Variants in ABCC6 observed in about 807,000 individuals in gnomAD.
ABCC6 encodes ATP-binding cassette sub-family C member 6.
In ABCC6, 126 loss-of-function variants were observed where a neutral mutation model predicts 169.5. That is an observed-to-expected ratio of 0.74 (90% CI 0.64 to 0.86). The LOEUF (loss-of-function observed/expected upper bound fraction) is 0.86, where lower values mean the gene tolerates loss of function less well. Ranked by LOEUF, ABCC6 falls within the 40% of genes least tolerant of loss-of-function variation. The pLI is 0.00. For synonymous variants in ABCC6, 752 were observed against 814.7 expected (o/e 0.92, Z 1.31); for missense variants, 1,733 against 1,927.2 (o/e 0.90, Z 1.89).
At chr16:16,211,624 G>A (rs555469036) in intron 6 of ABCC6, among the ~76,000 whole-genome samples, 1 of 152,248 alleles carries the variant, frequency 6.6e-6, no homozygotes, top group South Asian at 2.1e-4. Context: ...CATATGTCAG[G>A]TGCTACTGAG....
chr16:16,207,225 C>T (rs911774327), intron 7 of ABCC6, among the ~76,000 whole-genome samples: 1 of 152,222 alleles, frequency 6.6e-6, no homozygotes, highest in African/African-American at 2.4e-5. Context: ...ACAGCCCCTA[C>T]CCACTTCTGT....
intron 22 of ABCC6, among the ~76,000 whole-genome samples, chr16:16,168,889 T>C (rs1411650998): frequency 2.0e-5 from 3 of 152,212 alleles, no homozygotes; most frequent in Non-Finnish European, 4.4e-5. Context: ...GAGACCAGCT[T>C]GGCCAACATG....
At chr16:16,186,041 G>A (rs1445689428) in intron 14 of ABCC6, among the ~76,000 whole-genome samples, 2 of 152,162 alleles carry the variant, frequency 1.3e-5, no homozygotes, top group African/African-American at 4.8e-5. Flanking sequence ...GGATCACCCA[G>A]CTAGTCAGTG....
At chr16:16,161,605 T>C (rs2046721197) in intron 24 of ABCC6, 41 bp from the exon 25 acceptor site, 4 of 1,613,298 alleles carry the variant, frequency 2.5e-6, no homozygotes, top group Non-Finnish European at 3.4e-6. Context: ...GTTACTCTCA[T>C]CTGCAGGGAG....
chr16:16,181,037 C>T (rs1204417239), intron 17 of ABCC6, among the ~76,000 whole-genome samples: 3 of 152,102 alleles, frequency 2.0e-5, no homozygotes. Context: ...GGTTCAGGGG[C>T]TCACGCCTGT....
At chr16:16,205,806 C>A (rs1457090477) in intron 7 of ABCC6, among the ~76,000 whole-genome samples, 1 of 152,154 alleles carries the variant, frequency 6.6e-6, no homozygotes, top group Non-Finnish European at 1.5e-5. Context: ...AGTCCAGCTC[C>A]TGCACACAGT....
At chr16:16,179,537 C>T (rs904165648) in intron 17 of ABCC6, among the ~76,000 whole-genome samples, 6 of 152,072 alleles carry the variant, frequency 3.9e-5, no homozygotes, top group South Asian at 2.1e-4. Flanking sequence ...GGTTTCAGGA[C>T]GATTCAAGCA....
chr16:16,166,570 C>T (rs9635506), intron 22 of ABCC6, among the ~76,000 whole-genome samples: 108,163 of 151,158 alleles, frequency 0.72, 41,664 homozygotes, highest in South Asian at 0.9. Context: ...AAGCCTGGGG[C>T]GTATTCTCCA....
chr16:16,150,108 C>T lies in ABCC6; in HGVS notation c.*25G>A. On this transcript the variant is annotated 3_prime_UTR_variant, in exon 31 of 31. Transcript: ENST00000205557. Reference sequence around the variant, plus strand: ...CTGCAGGCTGTGCGGGCTGGTCCAACTGGGGTACGGTTGAGGGTCCTGGCT... The same window carrying T: ...CTGCAGGCTGTGCGGGCTGGTCCAATTGGGGTACGGTTGAGGGTCCTGGCT... The T allele has an allele frequency of 6.2e-7, 1 of 1,611,632 alleles. No homozygotes were observed. Among genetic ancestry groups the T allele is most frequent in the Non-Finnish European group, 8.5e-7 (1 of 1,179,836 alleles).
At chr16:16,205,440 A>T (rs1476366003) in intron 7 of ABCC6, among the ~76,000 whole-genome samples, 1 of 152,006 alleles carries the variant, frequency 6.6e-6, no homozygotes, top group South Asian at 2.1e-4. Context: ...AAAAAGAAGC[A>T]TAAGAAAAAC....
chr16:16,168,962 T>A (rs2046969447), intron 22 of ABCC6, among the ~76,000 whole-genome samples: 1 of 152,122 alleles, frequency 6.6e-6, no homozygotes, highest in Non-Finnish European at 1.5e-5. Context: ...TAATCCCAGC[T>A]TCCAGCTACT....
chr16:16,203,624 G>C lies in ABCC6; in HGVS notation c.795-11C>G. On this transcript the variant is annotated splice_polypyrimidine_tract_variant and intron_variant, in intron 7 of 30. Coordinates refer to ENST00000205557, the MANE Select transcript of ABCC6 (RefSeq NM_001171.6). ...ATTGCCTTGTTGTGCCTGAGGGGAA[G>C]GGAGAGATTAGCTCTGGGTCCCATT... 6.2e-7 allele frequency: 1 copy of C among 1,613,888 alleles called. No homozygotes were observed. Among genetic ancestry groups the C allele is most frequent in the Non-Finnish European group, 8.5e-7 (1 of 1,179,760 alleles).
Position 16,173,320 on chromosome 16 carries a change from T to C in ABCC6, c.2751A>G (p.Gly917=), listed in dbSNP as rs1213327400. The part of the protein sequence containing the change: ...EVPLDDPDRA[G]WPAGKDSIQY... Reference sequence around the variant, plus strand: ...GGATGCTGTCCTTTCCTGCTGGCCATCCTGCCCTGTCAGGGTCATCCAGAG... The same window carrying C: ...GGATGCTGTCCTTTCCTGCTGGCCACCCTGCCCTGTCAGGGTCATCCAGAG... The change falls in exon 21 of 31, where the codon GGA becomes GGG. Residue 917 remains glycine, a synonymous_variant. Coordinates refer to ENST00000205557, the MANE Select transcript of ABCC6 (RefSeq NM_001171.6). The C allele has an allele frequency of 6.2e-7, 1 of 1,614,054 alleles. No homozygotes were observed. The highest frequency in any genetic ancestry group is 2.2e-5 in the East Asian group (1 of 44,878).
chr16:16,153,681 T>A (rs1214789285), intron 29 of ABCC6, among the ~76,000 whole-genome samples: 1 of 151,844 alleles, frequency 6.6e-6, no homozygotes, highest in South Asian at 2.1e-4. Context: ...TCCCAGCACT[T>A]TGGGAGGCCT....
At chr16:16,197,439 G>A (rs2048077831) in intron 10 of ABCC6, among the ~76,000 whole-genome samples, 1 of 151,190 alleles carries the variant, frequency 6.6e-6, no homozygotes, top group African/African-American at 2.4e-5. Flanking sequence ...GGGTGGAAGG[G>A]GAGGAGAAAA....
rs2856585 is a variant in ABCC6, at chr16:16,169,806, G to C, written c.2835C>G (p.Pro945=). 6.4e-7 allele frequency: 1 copy of C among 1,571,402 alleles called. No homozygotes were observed. The highest frequency in any genetic ancestry group is 1.9e-5 in the Admixed American group (1 of 53,112). ...AGAGGAAGAGTGCGTAGAGGCAGAG[G>C]GGGGTGCCCACGGCACGCAGGTAGG... The part of the protein sequence containing the change: ...HLAYLRAVGT[P]LCLYALFLFL... The change falls in exon 22 of 31, where the codon CCC becomes CCG. Residue 945 remains proline, a synonymous_variant. Transcript: ENST00000205557.
chr16:16,157,697 T>A lies in ABCC6; in HGVS notation c.3848A>T (p.Gln1283Leu). ...TGCGTGGATCTTGAAGGACACGCCC[T>A]GCACAGCCAGCGGGAGCTCAGGTCG... The part of the protein sequence containing the change: ...RYRPELPLAV[Q>L]GVSFKIHAGE... Residue 1283 changes from glutamine to leucine, a missense_variant, in exon 27 of 31, where the codon CAG becomes CTG. By Grantham distance (113) the Gln-to-Leu change is moderately radical. Transcript: ENST00000205557. 6.2e-7 allele frequency: 1 copy of A among 1,614,058 alleles called. No individual in the cohort carries two copies. Among genetic ancestry groups the A allele is most frequent in the Non-Finnish European group, 8.5e-7 (1 of 1,180,008 alleles).
chr16:16,170,938 AAAAGAAAGAAAGAAAG>A (rs1305085072), intron 21 of ABCC6, among the ~76,000 whole-genome samples: 8 of 116,212 alleles, frequency 6.9e-5, no homozygotes, highest in African/African-American at 2.6e-4. Context: ...AAAAAAAAAA[AAAAGAAAGAAAGAAAG>A]AAAGAAAGAA....
At chr16:16,170,354 C>A (rs1229601649) in intron 21 of ABCC6, among the ~76,000 whole-genome samples, 1 of 152,142 alleles carries the variant, frequency 6.6e-6, no homozygotes, top group East Asian at 1.9e-4. Context: ...CCCTCCTCGG[C>A]CTTCCAAAGT....
Sources: allele counts gnomAD v4.1 joint callset (sites outside exome capture counted in the v4.1 genomes callset), GRCh38; gene constraint gnomAD v4.1.1; transcripts MANE v1.5; gene names NCBI Gene and HGNC (gene_info 2026-07-23, HGNC 2026-07-21).